Variants in CNTN3 observed in about 807,000 individuals in gnomAD.
CNTN3 encodes the protein contactin 3.
CNTN3 carries 60 observed loss-of-function variants against 119.1 expected under a neutral mutation model. The ratio of observed to expected loss-of-function variants is 0.50; its 90% CI spans 0.41 to 0.62. The LOEUF (loss-of-function observed/expected upper bound fraction) is 0.62. Ranked by LOEUF, CNTN3 falls within the 20% of genes least tolerant of loss-of-function variation. CNTN3 has a pLI of 0.00. For synonymous variants in CNTN3, 450 were observed against 438.7 expected, an observed-to-expected ratio of 1.03 and a Z score of -0.32; for missense variants, 1,101 against 1,242.4, an observed-to-expected ratio of 0.89 and a Z score of 1.71.
intron 20 of CNTN3, among the ~76,000 whole-genome samples, chr3:74,272,255 T>C (rs115651661): frequency 0.02 from 3,092 of 152,322 alleles, 99 homozygotes; most frequent in African/African-American, 0.069. Flanking sequence ...CATTCAAAGC[T>C]GTCCTGAGCC....
intron 1 of CNTN3, among the ~76,000 whole-genome samples, chr3:74,561,417 G>T (rs1309312874): frequency 6.6e-6 from 1 of 152,052 alleles, no homozygotes; most frequent in Non-Finnish European, 1.5e-5. Context: ...TTGACCCTCT[G>T]ACTTCTTCAC....
intron 5 of CNTN3, among the ~76,000 whole-genome samples, chr3:74,380,708 T>C (rs2106809339): frequency 6.6e-6 from 1 of 152,294 alleles, no homozygotes; most frequent in South Asian, 2.1e-4. Flanking sequence ...TTCATCAGTT[T>C]GCAAGTGATA....
At chr3:74,344,498 T>C (rs1575740186) in intron 11 of CNTN3, among the ~76,000 whole-genome samples, 1 of 143,454 alleles carries the variant, frequency 7.0e-6, no homozygotes, top group East Asian at 2.1e-4. Context: ...CGATCTGGGC[T>C]CACTGCAAGC....
At chr3:74,346,140 A>T (rs988349305) in intron 11 of CNTN3, among the ~76,000 whole-genome samples, 6 of 152,212 alleles carry the variant, frequency 3.9e-5, no homozygotes, top group Non-Finnish European at 7.3e-5. Flanking sequence ...CTAGAGTAAC[A>T]AAGAAATAAA....
intron 11 of CNTN3, among the ~76,000 whole-genome samples, chr3:74,359,442 AT>A (rs2106767262): frequency 6.6e-6 from 1 of 152,244 alleles, no homozygotes; most frequent in Non-Finnish European, 1.5e-5. Context: ...ATGACACTAA[AT>A]TTTTGTGTTC....
intron 4 of CNTN3, among the ~76,000 whole-genome samples, chr3:74,462,816 T>C (rs978752476): frequency 1.3e-5 from 2 of 152,156 alleles, no homozygotes; most frequent in African/African-American, 2.4e-5. Flanking sequence ...TTATTCTCCT[T>C]AGGATAAAGC....
intron 20 of CNTN3, among the ~76,000 whole-genome samples, chr3:74,269,650 G>A (rs1701730728): frequency 6.6e-6 from 1 of 152,062 alleles, no homozygotes; most frequent in African/African-American, 2.4e-5. Flanking sequence ...ACAAAATGGG[G>A]CATTTACCTA....
chr3:74,389,565 A>C (rs1041290462), intron 5 of CNTN3, among the ~76,000 whole-genome samples: 1 of 152,186 alleles, frequency 6.6e-6, no homozygotes, highest in Non-Finnish European at 1.5e-5. Flanking sequence ...ATGAGAATTG[A>C]CCGTGTCATG....
intron 13 of CNTN3, among the ~76,000 whole-genome samples, chr3:74,314,100 C>A (rs1393613045): frequency 6.6e-6 from 1 of 152,170 alleles, no homozygotes; most frequent in Non-Finnish European, 1.5e-5. Flanking sequence ...AAGACCACTA[C>A]TGTGGGAGTT....
At chr3:74,394,724 T>G (rs1705001952) in intron 5 of CNTN3, among the ~76,000 whole-genome samples, 1 of 152,182 alleles carries the variant, frequency 6.6e-6, no homozygotes, top group Admixed American at 6.5e-5. Context: ...AGAGAAAGGC[T>G]TATAAGCCTT....
At position 74,301,674 on chromosome 3, in the gene CNTN3, A is replaced by T. The variant is rs1326533511; in HGVS notation, c.1918T>A (p.Ser640Thr). Residue 640 changes from serine to threonine, a missense_variant, in exon 15 of 23, where the codon TCC (serine) becomes ACC (threonine). Coordinates refer to ENST00000263665, the MANE Select transcript of CNTN3 (RefSeq NM_020872.3). ...GTTGTGACGGTTTGCCAACCCACGG[A>T]GAAAGGTGTCCGAGCCTGGATAGAA... is the stretch of plus-strand genomic sequence containing the variant. The part of the protein sequence containing the change: ...SYSIQARTPF[S>T]VGWQTVTTVP... 2 of 1,613,972 alleles carry T rather than the reference A, an allele frequency of 1.2e-6. No individual in the cohort carries two copies. Among genetic ancestry groups the T allele is most frequent in the Non-Finnish European group, 1.7e-6 (2 of 1,179,990 alleles).
At chr3:74,454,232 T>C (rs1191991614) in intron 4 of CNTN3, among the ~76,000 whole-genome samples, 3 of 131,644 alleles carry the variant, frequency 2.3e-5, no homozygotes, top group African/African-American at 5.8e-5. Flanking sequence ...TAGTTAGCTC[T>C]TCTTGTTGAA....
chr3:74,551,188 C>A (rs1575823733), intron 1 of CNTN3, among the ~76,000 whole-genome samples: 1 of 152,202 alleles, frequency 6.6e-6, no homozygotes, highest in Non-Finnish European at 1.5e-5. Context: ...AGTGTTTGAA[C>A]CTCCAGCCTA....
intron 4 of CNTN3, among the ~76,000 whole-genome samples, chr3:74,432,323 T>A (rs934576616): frequency 1.3e-5 from 2 of 151,740 alleles, no homozygotes; most frequent in African/African-American, 4.8e-5. Flanking sequence ...CTAGGCCACA[T>A]TGGAAGAAGA....
intron 1 of CNTN3, among the ~76,000 whole-genome samples, chr3:74,613,648 TGTTC>T (rs2106722637): frequency 6.6e-6 from 1 of 152,334 alleles, no homozygotes; most frequent in East Asian, 1.9e-4. Flanking sequence ...GCCCAGAAGC[TGTTC>T]GTTCATTTCA....
chr3:74,280,003 TAA>T (rs1232326792), intron 20 of CNTN3, among the ~76,000 whole-genome samples: 2 of 152,074 alleles, frequency 1.3e-5, no homozygotes, highest in Non-Finnish European at 2.9e-5. Flanking sequence ...TTATATAACT[TAA>T]AGAGTTTAAT....
At chr3:74,429,981 G>C (rs1392939178) in intron 4 of CNTN3, among the ~76,000 whole-genome samples, 2 of 152,138 alleles carry the variant, frequency 1.3e-5, no homozygotes, top group African/African-American at 4.8e-5. Flanking sequence ...ACAAAACAGT[G>C]ACAGCACTAA....
chr3:74,352,265 C>T (rs957819096), intron 11 of CNTN3, among the ~76,000 whole-genome samples: 2 of 152,172 alleles, frequency 1.3e-5, no homozygotes, highest in Non-Finnish European at 2.9e-5. Flanking sequence ...ACATCCCTTC[C>T]TTTGAGATTT....
Position 74,427,543 on chromosome 3 carries a change from G to A in CNTN3, c.359-2603C>T, listed in dbSNP as rs569547349. 3.3e-5 allele frequency among the ~76,000 whole-genome samples: 5 copies of A among 152,224 alleles called. No homozygotes were observed. In the South Asian group the frequency reaches 8.3e-4, roughly 25 times the overall value. ...AAATATCTAGTGGAAGATTATATGTGCCACCCAAATGTAAGTCAAGCTATA... is the reference window on the plus strand; with the variant it reads ...AAATATCTAGTGGAAGATTATATGTACCACCCAAATGTAAGTCAAGCTATA... On this transcript the variant is annotated intron_variant, in intron 4 of 22. Coordinates refer to ENST00000263665, the MANE Select transcript of CNTN3 (RefSeq NM_020872.3).
Sources: gnomAD v4.1 joint callset for allele counts (sites outside exome capture counted in the v4.1 genomes callset) on GRCh38, gnomAD v4.1.1 for gene constraint, MANE v1.5 for transcripts, NCBI Gene and HGNC (gene_info 2026-07-23, HGNC 2026-07-21) for gene names.